The following SARNP variants were observed in gnomAD, a reference collection of about 807,000 sequenced individuals.
The protein encoded by SARNP is SAP domain-containing ribonucleoprotein.
A neutral mutation model predicts 38.1 loss-of-function variants in SARNP; 5 were observed. The observed-to-expected ratio is 0.13, with a 90% CI of 0.07 to 0.28. The LOEUF (loss-of-function observed/expected upper bound fraction) is 0.28. Among genes scored for constraint, SARNP ranks in the 10% least tolerant of loss-of-function variants. SARNP has a pLI of 1.00. For missense variants in SARNP, 180 were observed against 243.9 expected, an observed-to-expected ratio of 0.74 and a Z score of 1.75; for synonymous variants, 84 against 80.6, an observed-to-expected ratio of 1.04 and a Z score of -0.23.
intron 9 of SARNP, 138 bp from the exon 10 acceptor site, chr12:55,760,778 A>G (rs1878651150): frequency 1.1e-5 from 7 of 637,104 alleles, no homozygotes; most frequent in Non-Finnish European, 2.0e-5. Context: ...AAGAGATAAG[A>G]TACATAAGAA....
chr12:55,804,627 C>T (rs1382550455), intron 1 of SARNP, among the ~76,000 whole-genome samples: 1 of 152,080 alleles, frequency 6.6e-6, no homozygotes, highest in Non-Finnish European at 1.5e-5. Flanking sequence ...GATTTGCTAC[C>T]TATAAGTCAT....
intron 9 of SARNP, among the ~76,000 whole-genome samples, chr12:55,772,214 T>C (rs1002997493): frequency 2.0e-5 from 3 of 152,086 alleles, no homozygotes; most frequent in Admixed American, 1.3e-4. Flanking sequence ...TATCCACACA[T>C]ATACACATAA....
chr12:55,765,027 G>A (rs1486219725), intron 9 of SARNP, among the ~76,000 whole-genome samples: 5 of 152,060 alleles, frequency 3.3e-5, no homozygotes. Flanking sequence ...AAGTCTCCCG[G>A]CCAAGTAGGA....
At chr12:55,781,852 G>A (rs1879350373) in intron 9 of SARNP, among the ~76,000 whole-genome samples, 1 of 152,120 alleles carries the variant, frequency 6.6e-6, no homozygotes, top group Admixed American at 6.5e-5. Flanking sequence ...TCAAGGAGCT[G>A]GGACTACCGG....
At chr12:55,790,934 A>G (rs1361011327) in intron 7 of SARNP, among the ~76,000 whole-genome samples, 1 of 152,250 alleles carries the variant, frequency 6.6e-6, no homozygotes, top group Non-Finnish European at 1.5e-5. Flanking sequence ...TTAGACAAAA[A>G]GTTAAAGAAA....
At chr12:55,788,519 G>A (rs1292247632) in intron 9 of SARNP, among the ~76,000 whole-genome samples, 1 of 151,868 alleles carries the variant, frequency 6.6e-6, no homozygotes, top group Non-Finnish European at 1.5e-5. Context: ...TACTCAGGCT[G>A]GGTGCAGTGG....
intron 7 of SARNP, chr12:55,793,748 A>C (rs1879742003): frequency 6.5e-6 from 1 of 152,726 alleles, no homozygotes; most frequent in African/African-American, 2.4e-5. Flanking sequence ...TAAAATGGGA[A>C]CGTACTGTTA....
intron 9 of SARNP, among the ~76,000 whole-genome samples, chr12:55,781,331 C>T (rs755858427): frequency 1.2e-4 from 18 of 151,920 alleles, no homozygotes; most frequent in Non-Finnish European, 2.1e-4. Flanking sequence ...GTCAGGAGTT[C>T]GAGACCAGCC....
intron 9 of SARNP, among the ~76,000 whole-genome samples, chr12:55,775,215 T>C (rs1360026359): frequency 7.1e-6 from 1 of 140,956 alleles, no homozygotes; most frequent in Non-Finnish European, 1.5e-5. Flanking sequence ...CCTAAGAATA[T>C]GCTCTGGGAG....
chr12:55,759,108 C>G (rs1487894008), intron 10 of SARNP, among the ~76,000 whole-genome samples: 1 of 152,036 alleles, frequency 6.6e-6, no homozygotes, highest in African/African-American at 2.4e-5. Context: ...TCTCCAACTC[C>G]TGACCTCAAG....
chr12:55,802,769 G>T (rs949848711), intron 2 of SARNP, among the ~76,000 whole-genome samples: 3 of 151,008 alleles, frequency 2.0e-5, no homozygotes, highest in Non-Finnish European at 4.4e-5. Context: ...ACTATAAGTA[G>T]TATCACTTAT....
chr12:55,802,406 A>T (rs1435016616), intron 2 of SARNP, among the ~76,000 whole-genome samples: 3 of 151,930 alleles, frequency 2.0e-5, no homozygotes, highest in African/African-American at 7.3e-5. Context: ...CCAATCTGAA[A>T]ATTCAAAACC....
intron 8 of SARNP, among the ~76,000 whole-genome samples, chr12:55,789,509 T>C (rs1879600644): frequency 6.6e-6 from 1 of 152,246 alleles, no homozygotes; most frequent in Non-Finnish European, 1.5e-5. Context: ...TCTGCAAGTA[T>C]TTCTTAACTC....
intron 9 of SARNP, among the ~76,000 whole-genome samples, chr12:55,787,974 C>A (rs561780914): frequency 6.6e-6 from 1 of 152,064 alleles, no homozygotes; most frequent in African/African-American, 2.4e-5. Context: ...TGGTCTCAAT[C>A]TCCTGACCTC....
chr12:55,817,337 G>C (rs913964695), intron 1 of SARNP, among the ~76,000 whole-genome samples: 1 of 152,226 alleles, frequency 6.6e-6, no homozygotes, highest in African/African-American at 2.4e-5. Flanking sequence ...GGGGCAAAAA[G>C]GAGGGACCAA....
intron 9 of SARNP, among the ~76,000 whole-genome samples, chr12:55,786,161 A>G (rs1050546656): frequency 3.2e-4 from 49 of 152,364 alleles, no homozygotes; most frequent in African/African-American, 1.1e-3. Flanking sequence ...ATGAAATACT[A>G]TAAAAATAAC....
At chr12:55,772,905 G>A (rs915734697) in intron 9 of SARNP, among the ~76,000 whole-genome samples, 3 of 152,036 alleles carry the variant, frequency 2.0e-5, no homozygotes, top group Admixed American at 1.3e-4. Context: ...AGTAGAGACA[G>A]GGTTTCTCCA....
At chr12:55,803,122 A>G (rs1880033197) in intron 2 of SARNP, among the ~76,000 whole-genome samples, 1 of 152,128 alleles carries the variant, frequency 6.6e-6, no homozygotes, top group Non-Finnish European at 1.5e-5. Context: ...AAGTGAAATG[A>G]GGAATAGAAA....
chr12:55,761,865 T>C (rs1007674190), intron 9 of SARNP: 1 of 152,196 alleles, frequency 6.6e-6, no homozygotes, highest in African/African-American at 2.4e-5. Flanking sequence ...GGCACATATA[T>C]AAAAAGATCT....
Sources: gnomAD v4.1 joint callset for allele counts (sites outside exome capture counted in the v4.1 genomes callset) on GRCh38, gnomAD v4.1.1 for gene constraint, MANE v1.5 for transcripts, NCBI Gene and HGNC (gene_info 2026-07-23, HGNC 2026-07-21) for gene names.